The following SAMD12 variants were observed in gnomAD, a reference collection of about 807,000 sequenced individuals.
SAMD12 encodes sterile alpha motif domain-containing protein 12.
Under a neutral mutation model 15.0 loss-of-function variants are expected in SAMD12, and 9 were observed. The ratio of observed to expected loss-of-function variants is 0.60; its 90% CI spans 0.36 to 1.05. The LOEUF is 1.05. Ranked by LOEUF, SAMD12 falls within the 50% of genes least tolerant of loss-of-function variation. The pLI is 0.01. For synonymous variants in SAMD12, 86 were observed against 90.1 expected (o/e 0.96, Z 0.25); for missense variants, 230 against 234.2 (o/e 0.98, Z 0.12).
intron 4 of SAMD12, chr8:118,240,090 T>C (rs1431949264): frequency 6.6e-6 from 1 of 152,158 alleles, no homozygotes; most frequent in Non-Finnish European, 1.5e-5. Context: ...TTAAAATCCC[T>C]GTAGGGTATC....
At chr8:118,155,217 A>G in the SAMD12 span, among the ~76,000 whole-genome samples, 41 of 152,096 alleles carry the variant, frequency 2.7e-4, no homozygotes, top group East Asian at 6.4e-3. Context: ...CTTTTTTCTT[A>G]TTTCTATTAA....
intron 4 of SAMD12, among the ~76,000 whole-genome samples, chr8:118,207,797 T>C (rs1452041134): frequency 6.6e-6 from 1 of 152,192 alleles, no homozygotes; most frequent in Non-Finnish European, 1.5e-5. Context: ...AGATTCTGCA[T>C]TGGAACAATG....
chr8:118,269,194 T>TTCTCTCTCTCTCTC (rs762035151), intron 4 of SAMD12, among the ~76,000 whole-genome samples: 3 of 138,488 alleles, frequency 2.2e-5, no homozygotes, highest in African/African-American at 8.7e-5. Flanking sequence ...TTTGCTTTTG[T>TTCTCTCTCTCTCTC]TCTCTCTCTC....
chr8:118,350,793 C>A (rs1817927058), intron 4 of SAMD12, among the ~76,000 whole-genome samples: 1 of 152,182 alleles, frequency 6.6e-6, no homozygotes, highest in Admixed American at 6.5e-5. Flanking sequence ...AGGATTCAAG[C>A]TTCACAAAAT....
intron 3 of SAMD12, among the ~76,000 whole-genome samples, chr8:118,413,789 A>T (rs988564359): frequency 1.3e-5 from 2 of 152,182 alleles, no homozygotes; most frequent in African/African-American, 4.8e-5. Flanking sequence ...AAGAAGCTAT[A>T]GCTCTTGAAA....
intron 3 of SAMD12, among the ~76,000 whole-genome samples, 170 bp from the exon 4 acceptor site, chr8:118,379,870 GA>G (rs1328300676): frequency 1.3e-5 from 2 of 152,050 alleles, no homozygotes; most frequent in Non-Finnish European, 2.9e-5. Context: ...TTATCTGGGT[GA>G]AAAAAATACA....
At chr8:118,367,632 G>A (rs1818867884) in intron 4 of SAMD12, among the ~76,000 whole-genome samples, 1 of 152,198 alleles carries the variant, frequency 6.6e-6, no homozygotes, top group African/African-American at 2.4e-5. Flanking sequence ...ATGCATTTGA[G>A]GTTGGTGAGT....
At chr8:118,452,993 T>C (rs752659924) in intron 2 of SAMD12, among the ~76,000 whole-genome samples, 11 of 152,228 alleles carry the variant, frequency 7.2e-5, no homozygotes, top group African/African-American at 2.7e-4. Context: ...TCCTCTTGTC[T>C]CTTCTTCTGA....
intron 2 of SAMD12, among the ~76,000 whole-genome samples, chr8:118,449,820 AC>A (rs1823025615): frequency 6.7e-6 from 1 of 148,418 alleles, no homozygotes; most frequent in African/African-American, 2.5e-5. Context: ...AAAAAAAACA[AC>A]AAAAAAAAAG....
At chr8:118,150,527 C>T in the SAMD12 span, among the ~76,000 whole-genome samples, 1 of 152,024 alleles carries the variant, frequency 6.6e-6, no homozygotes, top group Non-Finnish European at 1.5e-5. Context: ...AGGCACCCAG[C>T]TATTTTTATT....
intron 2 of SAMD12, among the ~76,000 whole-genome samples, chr8:118,571,656 C>T (rs866480979): frequency 1.4e-4 from 21 of 152,298 alleles, no homozygotes; most frequent in African/African-American, 4.8e-4. Flanking sequence ...CTTGGGCCGT[C>T]GCTTCAGAGG....
At chr8:118,557,146 C>T (rs1282123085) in intron 2 of SAMD12, among the ~76,000 whole-genome samples, 1 of 152,036 alleles carries the variant, frequency 6.6e-6, no homozygotes, top group Non-Finnish European at 1.5e-5. Flanking sequence ...AGGGAAGGAC[C>T]GGGTGGGAGG....
At chr8:118,500,532 G>T (rs114442120) in intron 2 of SAMD12, among the ~76,000 whole-genome samples, 2 of 151,234 alleles carry the variant, frequency 1.3e-5, no homozygotes, top group Non-Finnish European at 3.0e-5. Flanking sequence ...CCTGCCAGGC[G>T]CAGTGGCTCA....
intron 2 of SAMD12, among the ~76,000 whole-genome samples, chr8:118,555,385 A>T (rs545051368): frequency 2.6e-5 from 4 of 152,322 alleles, no homozygotes; most frequent in Non-Finnish European, 5.9e-5. Flanking sequence ...TGGGTGCCAG[A>T]AAAACAGATA....
At chr8:118,302,390 C>T (rs1320216538) in intron 4 of SAMD12, among the ~76,000 whole-genome samples, 2 of 152,040 alleles carry the variant, frequency 1.3e-5, no homozygotes, top group African/African-American at 4.8e-5. Flanking sequence ...AAAGAGCTTA[C>T]AACAGAGCTA....
intron 1 of SAMD12, among the ~76,000 whole-genome samples, chr8:118,586,600 C>T (rs1827452187): frequency 6.6e-6 from 1 of 152,178 alleles, no homozygotes; most frequent in African/African-American, 2.4e-5. Context: ...ACCTCGACCT[C>T]CCAAATTCCT....
intron 4 of SAMD12, among the ~76,000 whole-genome samples, chr8:118,228,541 C>A (rs896051594): frequency 1.3e-5 from 2 of 152,128 alleles, no homozygotes; most frequent in Non-Finnish European, 2.9e-5. Context: ...AAAAAATGCT[C>A]AACATTACTC....
At chr8:118,406,646 A>C (rs962849693) in intron 3 of SAMD12, among the ~76,000 whole-genome samples, 3 of 152,026 alleles carry the variant, frequency 2.0e-5, no homozygotes, top group Admixed American at 1.3e-4. Flanking sequence ...AATATCCAAA[A>C]ATTTTTTCAT....
chr8:118,470,285 A>G (rs914442095), intron 2 of SAMD12, among the ~76,000 whole-genome samples: 2 of 150,234 alleles, frequency 1.3e-5, no homozygotes, highest in African/African-American at 4.9e-5. Context: ...ATGTTCATGT[A>G]TTACTTAGGT....
Sources: gnomAD v4.1 joint callset for allele counts (sites outside exome capture counted in the v4.1 genomes callset) on GRCh38, gnomAD v4.1.1 for gene constraint, MANE v1.5 for transcripts, NCBI Gene and HGNC (gene_info 2026-07-23, HGNC 2026-07-21) for gene names.